The following TBX10 variants were observed in gnomAD, a reference collection of about 807,000 sequenced individuals.
The protein encoded by TBX10 is T-box transcription factor TBX10.
TBX10 carries 26 observed loss-of-function variants against 32.4 expected under a neutral mutation model. The ratio of observed to expected loss-of-function variants is 0.80; its 90% CI spans 0.59 to 1.11. The LOEUF (loss-of-function observed/expected upper bound fraction) is 1.11, where lower values mean the gene tolerates loss of function less well. TBX10 is among the 50% of genes most tolerant of loss of function. The pLI is 0.00. For synonymous variants in TBX10, 195 were observed against 203.1 expected, an observed-to-expected ratio of 0.96 and a Z score of 0.34; for missense variants, 490 against 494.5, an observed-to-expected ratio of 0.99 and a Z score of 0.09.
chr11:67,634,059 C>T, intron 4 of TBX10, 130 bp downstream of exon 4: 2 of 1,397,282 alleles, frequency 1.4e-6, no homozygotes, highest in South Asian at 1.2e-5. Context: ...GAGCTCGCCA[C>T]CCCGGCTCCC....
In TBX10 at chr11:67,639,589, G is replaced by A. The variant is rs1036840593; in HGVS notation, c.-117C>T. On this transcript the variant is annotated 5_prime_UTR_variant, in exon 1 of 8. Transcript: ENST00000335385. ...CTCGGCACCTCAGCTCAGCCCTCAGGTGCTCACACAAGCTGTAGTCTCTCG... is the reference window on the plus strand; with the variant it reads ...CTCGGCACCTCAGCTCAGCCCTCAGATGCTCACACAAGCTGTAGTCTCTCG... 3 of 1,370,562 alleles carry A rather than the reference G, an allele frequency of 2.2e-6. No homozygotes were observed. Among genetic ancestry groups the A allele is most frequent in the African/African-American group, 2.9e-5 (2 of 69,580 alleles). 84.9% of individuals were successfully genotyped at this position (1,370,562 alleles called of 1,614,324 possible).
intron 1 of TBX10, 131 bp from the exon 2 acceptor site, chr11:67,635,394 C>G: frequency 1.5e-6 from 2 of 1,307,726 alleles, no homozygotes; most frequent in Non-Finnish European, 2.1e-6. Flanking sequence ...CACAGGATCC[C>G]CCACTCAGCA....
Position 67,632,976 on chromosome 11 carries a change from G to A in TBX10, c.677C>T (p.Thr226Ile). The change falls in exon 5 of 8, where the codon ACA (threonine) becomes ATA (isoleucine). Residue 226 changes from threonine (T) to isoleucine (I), a missense_variant. By Grantham distance (89) the Thr-to-Ile change is moderately conservative. Coordinates refer to ENST00000335385, the MANE Select transcript of TBX10 (RefSeq NM_005995.5). The part of the protein sequence containing the change: ...KSFIFTETQF[T>I]AVTAYQNHRI... ...GTGGTTCTGATAGGCTGTCACTGCTGTGAACTGGGTCTCTGTGAAGATGAA... is the reference window on the plus strand; with the variant it reads ...GTGGTTCTGATAGGCTGTCACTGCTATGAACTGGGTCTCTGTGAAGATGAA... 1.2e-6 allele frequency: 2 copies of A among 1,614,220 alleles called. No individual in the cohort carries two copies. The highest frequency in any genetic ancestry group is 1.7e-6 in the Non-Finnish European group (2 of 1,180,024).
At chr11:67,632,464 C>G in intron 6 of TBX10, 52 bp from the exon 7 acceptor site, 1 of 1,594,888 alleles carries the variant, frequency 6.3e-7, no homozygotes, top group Non-Finnish European at 8.6e-7. Context: ...AGAACCCAGG[C>G]CAGGGATCAT....
chr11:67,639,684 T>C lies in TBX10; in HGVS notation c.-212A>G. 1 of 655,790 alleles carries C rather than the reference T, an allele frequency of 1.5e-6. No individual in the cohort carries two copies. Among genetic ancestry groups the C allele is most frequent in the Non-Finnish European group, 2.7e-6 (1 of 366,334 alleles). The allele number at this position is 655,790 out of a possible 1,614,324, so 40.6% of individuals were successfully genotyped here. ...GAGGTCGTGGTCTTCCTACTCGAGC[T>C]GGACCCCTGGTCTCCGAAGGTGAGA... On this transcript the variant is annotated 5_prime_UTR_variant, in exon 1 of 8. Transcript: ENST00000335385.
Position 67,634,796 on chromosome 11 carries a change from C to T in TBX10, c.377+20G>A. On this transcript the variant is annotated intron_variant, in intron 3 of 7. Transcript: ENST00000335385. Reference sequence around the variant, plus strand: ...TCAGCACCTGAGACCTGAGCCTTTGCCCCAGGCCGGTCCCCGCACCTGTAT... The same window carrying T: ...TCAGCACCTGAGACCTGAGCCTTTGTCCCAGGCCGGTCCCCGCACCTGTAT... 6.2e-7 allele frequency: 1 copy of T among 1,611,144 alleles called. No individual in the cohort carries two copies. Among genetic ancestry groups the T allele is most frequent in the African/African-American group, 1.3e-5 (1 of 74,990 alleles).
In TBX10 at chr11:67,633,043, G is replaced by T. The variant is rs200918283; in HGVS notation, c.610C>A (p.Arg204Ser). Residue 204 changes from arginine (R) to serine (S), a missense_variant, in exon 5 of 8, where the codon CGC becomes AGC. Transcript: ENST00000335385. ...TGGGCATAGCGCTCACTGTCCTTGC[G>T]TGGGTCCACGAAGACCACGTGGAAA... The part of the protein sequence containing the change: ...PRFHVVFVDP[R>S]KDSERYAQEN... 6.2e-7 allele frequency: 1 copy of T among 1,614,036 alleles called. No individual in the cohort carries two copies. The highest frequency in any genetic ancestry group is 8.5e-7 in the Non-Finnish European group (1 of 1,179,988).
upstream of TBX10, among the ~76,000 whole-genome samples, chr11:67,641,489 T>C (rs1319898394): frequency 1.3e-5 from 2 of 152,096 alleles, no homozygotes; most frequent in African/African-American, 4.8e-5. Flanking sequence ...CCGAGGCGCC[T>C]GCTGGCCCCC....
chr11:67,633,261 G>A (rs868508714), intron 4 of TBX10, among the ~76,000 whole-genome samples, 158 bp from the exon 5 acceptor site: 1 of 152,156 alleles, frequency 6.6e-6, no homozygotes, highest in Non-Finnish European at 1.5e-5. Context: ...CTGCAGTTCC[G>A]TGTCAAAGGC....
chr11:67,632,459 C>T, intron 6 of TBX10, 47 bp from the exon 7 acceptor site: 1 of 1,599,630 alleles, frequency 6.3e-7, no homozygotes, highest in South Asian at 1.1e-5. Flanking sequence ...GGGGAAGAAC[C>T]CAGGCCAGGG....
chr11:67,634,123 G>T, intron 4 of TBX10, 66 bp downstream of exon 4: 2 of 1,597,920 alleles, frequency 1.3e-6, no homozygotes, highest in Admixed American at 3.3e-5. Context: ...CAAGGCCATT[G>T]GACACCAAAG....
At position 67,633,001 on chromosome 11, in the gene TBX10, A is replaced by G; in HGVS notation, c.652T>C (p.Phe218Leu). Reference protein sequence around the residue: ...ERYAQENFKSFIFTETQFTAV... With the variant: ...ERYAQENFKSLIFTETQFTAV... ...GTGAACTGGGTCTCTGTGAAGATGA[A>G]GGACTTGAAGTTCTCCTGGGCATAG... is the stretch of plus-strand genomic sequence containing the variant. The change falls in exon 5 of 8, where the codon TTC (phenylalanine) becomes CTC (leucine). Residue 218 changes from phenylalanine (F) to leucine (L), a missense_variant. By Grantham distance (22) the Phe-to-Leu change is conservative. Around this residue, in one of 3 missense-constraint regions of TBX10, gnomAD observed 307 missense variants for 294.9 expected, o/e 1.04. Coordinates refer to ENST00000335385, the MANE Select transcript of TBX10 (RefSeq NM_005995.5). The G allele has an allele frequency of 6.2e-7, 1 of 1,614,232 alleles. No homozygotes were observed. The highest frequency in any genetic ancestry group is 8.5e-7 in the Non-Finnish European group (1 of 1,180,022).
intron 1 of TBX10, among the ~76,000 whole-genome samples, chr11:67,636,498 ATTATTTAT>A (rs891283120): frequency 2.8e-5 from 4 of 144,032 alleles, no homozygotes; most frequent in South Asian, 2.3e-4. Context: ...ATATGTATAT[ATTATTTAT>A]TTATTTATTT....
At position 67,631,543 on chromosome 11, in the gene TBX10, G is replaced by A. The variant is rs1290138098; in HGVS notation, c.*62C>T. ...TGGGGCTGGAGGGGGCGGGGCAGAG[G>A]CTGATTCCCACACCCGGTGTAAGGT... On this transcript the variant is annotated 3_prime_UTR_variant, in exon 8 of 8. Coordinates refer to ENST00000335385, the MANE Select transcript of TBX10 (RefSeq NM_005995.5). 22 of 1,542,826 alleles carry A rather than the reference G, an allele frequency of 1.4e-5. 1 individual carries two copies. The Admixed American group carries it at 3.4e-4, about 24-fold the overall frequency.
At chr11:67,635,310 G>A (rs1185756430) in intron 1 of TBX10, 47 bp from the exon 2 acceptor site, 1 of 1,611,062 alleles carries the variant, frequency 6.2e-7, no homozygotes, top group Non-Finnish European at 8.5e-7. Flanking sequence ...CACCCAGCCA[G>A]CTCTTATCCT....
In TBX10 at chr11:67,634,885, A is replaced by G; in HGVS notation, c.308T>C (p.Leu103Pro). ...RMFPPFQVKILGMDSLADYAL... is the reference protein window; with the variant it reads ...RMFPPFQVKIPGMDSLADYAL... ...GTAGTCGGCCAGGGAGTCCATGCCC[A>G]GGATCTTCACCTGGAAGGGGGGGAA... The change falls in exon 3 of 8, where the codon CTG becomes CCG. Residue 103 changes from leucine to proline, a missense_variant. This residue lies in a region of TBX10 where 307 missense variants were observed against 294.9 expected (regional missense o/e 1.04). Transcript: ENST00000335385. 6.2e-7 allele frequency: 1 copy of G among 1,613,412 alleles called. No individual in the cohort carries two copies. The highest frequency in any genetic ancestry group is 8.5e-7 in the Non-Finnish European group (1 of 1,180,008).
upstream of TBX10, among the ~76,000 whole-genome samples, chr11:67,641,307 A>G (rs797009579): frequency 2.5e-4 from 38 of 152,276 alleles, no homozygotes; most frequent in African/African-American, 9.1e-4. Context: ...GCACACTGAC[A>G]TGCTAACCCA....
In TBX10 at chr11:67,639,561, C is replaced by T. The variant is rs902114562; in HGVS notation, c.-89G>A. 5 of 1,557,164 alleles carry T rather than the reference C, an allele frequency of 3.2e-6. No homozygotes were observed. The African/African-American group carries it at 4.1e-5, about 13-fold the overall frequency. On this transcript the variant is annotated 5_prime_UTR_variant, in exon 1 of 8. Transcript: ENST00000335385. ...GCTGGAAGGGGTGGTCACCACTCGT[C>T]CACTCGGCACCTCAGCTCAGCCCTC...
intron 4 of TBX10, 36 bp downstream of exon 4, chr11:67,634,153 C>T (rs1333805033): frequency 6.2e-7 from 1 of 1,608,972 alleles, no homozygotes; most frequent in Non-Finnish European, 8.5e-7. Flanking sequence ...GCCCTGACCC[C>T]AGGCCCTTCC....
Sources: gnomAD v4.1 joint callset for allele counts (sites outside exome capture counted in the v4.1 genomes callset) on GRCh38, gnomAD v4.1.1 for gene constraint, gnomAD v4.1.1 regional missense constraint, MANE v1.5 for transcripts, NCBI Gene and HGNC (gene_info 2026-07-23, HGNC 2026-07-21) for gene names.